EPHB1: variants seen among roughly 807,000 people sequenced by gnomAD.
EPHB1 encodes the protein ephrin type-B receptor 1.
In EPHB1, 30 loss-of-function variants were observed where a neutral mutation model predicts 94.4. The observed-to-expected ratio is 0.32, with a 90% CI of 0.24 to 0.43. EPHB1 has a LOEUF of 0.43. Among genes scored for constraint, EPHB1 ranks in the 20% least tolerant of loss-of-function variants. EPHB1 has a pLI of 1.00. For missense variants in EPHB1, 1,055 were observed against 1,308.3 expected, an observed-to-expected ratio of 0.81 and a Z score of 2.99; for synonymous variants, 522 against 489.1, an observed-to-expected ratio of 1.07 and a Z score of -0.89.
intron 1 of EPHB1, among the ~76,000 whole-genome samples, chr3:134,904,671 GTAGCTAGTCTC>G (rs77701834): frequency 0.17 from 25,579 of 152,184 alleles, 3,102 homozygotes; most frequent in African/African-American, 0.34. Context: ...CACACACTGA[GTAGCTAGTCTC>G]TTGGAGATCA....
In EPHB1 at chr3:134,912,797, A is replaced by G. The variant is rs372304715; in HGVS notation, c.59-13019A>G. On this transcript the variant is annotated intron_variant, in intron 1 of 15. Transcript: ENST00000398015. ...TGCCTACAGATGTTTGATGCTGGAG[A>G]GGTCTTGGGGTCCCCAGCCATGGTG... 3.3e-5 allele frequency among the ~76,000 whole-genome samples: 5 copies of G among 152,220 alleles called. No homozygotes were observed. In the South Asian group the frequency reaches 1.0e-3, roughly 32 times the overall value.
At chr3:134,993,397 G>A (rs538343848) in intron 3 of EPHB1, among the ~76,000 whole-genome samples, 15 of 152,320 alleles carry the variant, frequency 9.8e-5, no homozygotes, top group South Asian at 2.1e-4. Context: ...AGCCTCCTAA[G>A]TCACCAGAGG....
intron 3 of EPHB1, among the ~76,000 whole-genome samples, chr3:135,085,140 C>T (rs1187235445): frequency 1.3e-5 from 2 of 152,180 alleles, no homozygotes; most frequent in African/African-American, 4.8e-5. Context: ...ATAATAATGA[C>T]CCTTATCTGT....
At chr3:134,878,175 C>G (rs1395233356) in intron 1 of EPHB1, among the ~76,000 whole-genome samples, 1 of 152,186 alleles carries the variant, frequency 6.6e-6, no homozygotes, top group Non-Finnish European at 1.5e-5. Flanking sequence ...CTCTATGGAG[C>G]CTTCTGAGGG....
At chr3:134,994,314 A>T (rs942820332) in intron 3 of EPHB1, among the ~76,000 whole-genome samples, 14 of 152,024 alleles carry the variant, frequency 9.2e-5, no homozygotes, top group African/African-American at 3.4e-4. Context: ...AAAAAGTTGG[A>T]CCCTCCCAGG....
intron 6 of EPHB1, among the ~76,000 whole-genome samples, chr3:135,161,013 G>A (rs1426959680): frequency 6.6e-6 from 1 of 152,200 alleles, no homozygotes; most frequent in Non-Finnish European, 1.5e-5. Context: ...TTTGTATGAT[G>A]ATAGTTTTTA....
intron 1 of EPHB1, among the ~76,000 whole-genome samples, chr3:134,830,565 G>A (rs923494506): frequency 1.3e-5 from 2 of 152,178 alleles, no homozygotes; most frequent in South Asian, 4.1e-4. Context: ...GCAGGTGAGG[G>A]AAGCACTCAG....
At chr3:135,093,274 G>A (rs1050329583) in intron 3 of EPHB1, among the ~76,000 whole-genome samples, 1 of 152,022 alleles carries the variant, frequency 6.6e-6, no homozygotes, top group Non-Finnish European at 1.5e-5. Context: ...ACTTGACTGG[G>A]GTCCTTCTGT....
chr3:135,127,364 T>A (rs1940247053), intron 4 of EPHB1, among the ~76,000 whole-genome samples: 1 of 152,154 alleles, frequency 6.6e-6, no homozygotes, highest in Admixed American at 6.5e-5. Flanking sequence ...GATCCCAGCC[T>A]GAATGTGGGG....
Position 135,178,955 on chromosome 3 carries a change from C to A in EPHB1, c.1760-905C>A, listed in dbSNP as rs76203913. Among the ~76,000 whole-genome samples, 4 of 152,262 alleles carry A rather than the reference C, an allele frequency of 2.6e-5. No individual in the cohort carries two copies. In the East Asian group the frequency reaches 7.7e-4, roughly 29 times the overall value. Reference sequence around the variant, plus strand: ...ACAATTCCTGTACTTTGCTTAATGACGTATCAAACATGTTGAAAAATTACA... The same window carrying A: ...ACAATTCCTGTACTTTGCTTAATGAAGTATCAAACATGTTGAAAAATTACA... On this transcript the variant is annotated intron_variant, in intron 9 of 15. Coordinates refer to ENST00000398015, the MANE Select transcript of EPHB1 (RefSeq NM_004441.5).
chr3:135,091,625 G>T (rs58259098), intron 3 of EPHB1, among the ~76,000 whole-genome samples: 5,171 of 152,286 alleles, frequency 0.034, 190 homozygotes, highest in East Asian at 0.12. Flanking sequence ...AAACTCTGGG[G>T]TGAGGAAGCC....
At chr3:135,035,977 CT>C (rs966080213) in intron 3 of EPHB1, among the ~76,000 whole-genome samples, 1 of 152,244 alleles carries the variant, frequency 6.6e-6, no homozygotes, top group Non-Finnish European at 1.5e-5. Context: ...TGGAAATCCT[CT>C]TTGGAGCTAA....
chr3:134,994,592 A>T (rs1934928052), intron 3 of EPHB1, among the ~76,000 whole-genome samples: 1 of 152,020 alleles, frequency 6.6e-6, no homozygotes, highest in African/African-American at 2.4e-5. Flanking sequence ...CTCTGTCTTC[A>T]TTTATTATTT....
intron 12 of EPHB1, among the ~76,000 whole-genome samples, chr3:135,226,694 T>A (rs533141279): frequency 6.6e-6 from 1 of 152,306 alleles, no homozygotes; most frequent in African/African-American, 2.4e-5. Flanking sequence ...TCCCAGAACA[T>A]GCAGGAGAAG....
chr3:135,111,975 G>A (rs1444840011), intron 4 of EPHB1, among the ~76,000 whole-genome samples: 2 of 152,256 alleles, frequency 1.3e-5, no homozygotes, highest in Non-Finnish European at 2.9e-5. Flanking sequence ...ACCGCGCCCA[G>A]CCCATTTTCA....
intron 10 of EPHB1, among the ~76,000 whole-genome samples, chr3:135,183,031 TTTCTTTCTTTCTTTCTTTC>T (rs1225432861): frequency 4.6e-4 from 32 of 68,932 alleles, no homozygotes; most frequent in Admixed American, 6.0e-4. Context: ...TTTTCTTTTC[TTTCTTTCTTTCTTTCTTTC>T]TTTCTTTCTT....
rs755058104 is a variant in EPHB1 at position 135,182,986 on chromosome 3, C to CTTTCTTTTCTTTTCTTTTCT, written c.1882+3032_1882+3051dup. Among the ~76,000 whole-genome samples the CTTTCTTTTCTTTTCTTTTCT allele has an allele frequency of 6.6e-3, 728 of 110,496 alleles. 23 individuals carry two copies. Among genetic ancestry groups the CTTTCTTTTCTTTTCTTTTCT allele is most frequent in the Middle Eastern group, 0.011 (2 of 184 alleles). The allele number at this position is 110,496 out of a possible 152,430, so 72.5% of individuals were successfully genotyped here. A position where few individuals can be genotyped will look rare whatever the true frequency, so the allele number is the denominator to read the frequency against. ...TTCTTTTCTCTTTTCTTTTCTTTTG[C>CTTTCTTTTCTTTTCTTTTCT]TTTCTTTTCTTTTCTTTTCTTTTCT... On this transcript the variant is annotated intron_variant, in intron 10 of 15. Coordinates refer to ENST00000398015, the MANE Select transcript of EPHB1 (RefSeq NM_004441.5).
chr3:135,084,880 T>G (rs1310258097), intron 3 of EPHB1, among the ~76,000 whole-genome samples: 2 of 152,214 alleles, frequency 1.3e-5, no homozygotes, highest in African/African-American at 2.4e-5. Context: ...AACACTAAAA[T>G]CAAGCCTTGT....
chr3:135,135,919 T>G (rs1940604005), intron 5 of EPHB1, among the ~76,000 whole-genome samples: 1 of 152,242 alleles, frequency 6.6e-6, no homozygotes, highest in Non-Finnish European at 1.5e-5. Flanking sequence ...CTCATGTTTG[T>G]GTTTCTTTTG....
Sources: gnomAD v4.1 joint callset for allele counts (sites outside exome capture counted in the v4.1 genomes callset) on GRCh38, gnomAD v4.1.1 for gene constraint, MANE v1.5 for transcripts, NCBI Gene and HGNC (gene_info 2026-07-23, HGNC 2026-07-21) for gene names.